Variants in CEP83 observed in about 807,000 individuals in gnomAD.
CEP83 encodes centrosomal protein of 83 kDa.
In CEP83, 70 loss-of-function variants were observed where a neutral mutation model predicts 101.9. The ratio of observed to expected loss-of-function variants is 0.69; its 90% CI spans 0.57 to 0.84. CEP83 has a LOEUF of 0.84. Ranked by LOEUF, CEP83 falls within the 40% of genes least tolerant of loss-of-function variation. The pLI is 0.00. For missense variants in CEP83, 715 were observed against 787.2 expected (o/e 0.91, Z 1.10); for synonymous variants, 264 against 267.9 (o/e 0.99, Z 0.14).
Position 94,438,053 on chromosome 12 carries a change from C to T in CEP83, c.-154-2726G>A, listed in dbSNP as rs553077105. Among the ~76,000 whole-genome samples, 3 of 152,072 alleles carry T rather than the reference C, an allele frequency of 2.0e-5. No individual in the cohort carries two copies. In the East Asian group the frequency reaches 5.8e-4, roughly 29 times the overall value. Reference sequence around the variant, plus strand: ...CCAACACGGCAAAAGCCCATCTCTACTAAAAATACAAAAAAATTACCCAGG... The same window carrying T: ...CCAACACGGCAAAAGCCCATCTCTATTAAAAATACAAAAAAATTACCCAGG... On this transcript the variant is annotated intron_variant, in intron 1 of 16. Coordinates refer to ENST00000397809, the MANE Select transcript of CEP83 (RefSeq NM_016122.3).
Position 94,308,762 on chromosome 12 carries a change from T to C in CEP83, c.*51A>G. 8.0e-7 allele frequency: 1 copy of C among 1,245,670 alleles called. No homozygotes were observed. Among genetic ancestry groups the C allele is most frequent in the Non-Finnish European group, 1.2e-6 (1 of 849,138 alleles). The allele number at this position is 1,245,670 out of a possible 1,614,324, so 77.2% of individuals were successfully genotyped here. On this transcript the variant is annotated 3_prime_UTR_variant, in exon 17 of 17. Coordinates refer to ENST00000397809, the MANE Select transcript of CEP83 (RefSeq NM_016122.3). The stretch of plus-strand genomic sequence containing the variant: ...ATGCCACAGGTTAAAATGTCAAGTT[T>C]TACTGAGTCACCAACTTCACCTCTT...
chr12:94,268,039 G>A, the CEP83 span, among the ~76,000 whole-genome samples: 1 of 152,190 alleles, frequency 6.6e-6, no homozygotes, highest in South Asian at 2.1e-4. Flanking sequence ...GGAAAGGAAA[G>A]TCGGAAATCA....
chr12:94,366,402 G>A (rs765975726), intron 11 of CEP83, among the ~76,000 whole-genome samples: 8 of 152,070 alleles, frequency 5.3e-5, no homozygotes, highest in Non-Finnish European at 1.2e-4. Context: ...AATATTACAT[G>A]TAAGTTAATA....
intron 2 of CEP83, among the ~76,000 whole-genome samples, chr12:94,419,301 A>G (rs1050006193): frequency 2.0e-5 from 3 of 152,132 alleles, no homozygotes; most frequent in African/African-American, 7.2e-5. Context: ...AAACCTAGGT[A>G]AAAAGATGTG....
intron 1 of CEP83, among the ~76,000 whole-genome samples, chr12:94,459,330 T>C (rs2067962838): frequency 6.6e-6 from 1 of 152,170 alleles, no homozygotes; most frequent in Admixed American, 6.5e-5. Flanking sequence ...TGGAGGTACT[T>C]AAACGTCTGG....
intron 8 of CEP83, among the ~76,000 whole-genome samples, chr12:94,374,630 A>C (rs1190154987): frequency 6.6e-6 from 1 of 152,218 alleles, no homozygotes; most frequent in Non-Finnish European, 1.5e-5. Context: ...GTAGGCTGGA[A>C]GGGTTCTTAC....
chr12:94,318,112 T>C (rs558349354), intron 14 of CEP83, among the ~76,000 whole-genome samples: 1 of 152,300 alleles, frequency 6.6e-6, no homozygotes, highest in Admixed American at 6.5e-5. Context: ...CAGTGTTTTA[T>C]AATTATCATT....
At chr12:94,329,984 T>G (rs534769938) in intron 14 of CEP83, among the ~76,000 whole-genome samples, 2 of 152,268 alleles carry the variant, frequency 1.3e-5, no homozygotes, top group African/African-American at 4.8e-5. Context: ...ATGTTGTCAC[T>G]CCAACCATCA....
the CEP83 span, among the ~76,000 whole-genome samples, chr12:94,286,332 C>T: frequency 6.6e-6 from 1 of 152,120 alleles, no homozygotes; most frequent in African/African-American, 2.4e-5. Context: ...GTTCTCTATG[C>T]CTGGACCATC....
At position 94,307,883 on chromosome 12, in the gene CEP83, T is replaced by TTGAC. The variant is rs1969241795; in HGVS notation, c.*926_*929dup. 1 of 152,164 alleles carries TTGAC rather than the reference T, an allele frequency of 6.6e-6. No individual in the cohort carries two copies. Among genetic ancestry groups the TTGAC allele is most frequent in the Non-Finnish European group, 1.5e-5 (1 of 68,024 alleles). 9.4% of individuals were successfully genotyped at this position (152,164 alleles called of 1,614,324 possible). A position where few individuals can be genotyped will look rare whatever the true frequency, so the allele number is the denominator to read the frequency against. ...CCTTCTTCACTATCAACTGGGACTT[T>TTGAC]TGACTATGAACACCTTGGGATAATG... On this transcript the variant is annotated 3_prime_UTR_variant, in exon 17 of 17. Transcript: ENST00000397809.
At chr12:94,375,254 T>C (rs2061476171) in intron 8 of CEP83, among the ~76,000 whole-genome samples, 1 of 151,870 alleles carries the variant, frequency 6.6e-6, no homozygotes. Flanking sequence ...AGAAGGAAGA[T>C]GCTGTTTTAC....
intron 12 of CEP83, 166 bp from the exon 13 acceptor site, chr12:94,333,805 A>G (rs1257193089): frequency 3.4e-6 from 2 of 589,446 alleles, no homozygotes; most frequent in Non-Finnish European, 5.8e-6. Context: ...ACCCAGGAGC[A>G]TTTCTTATTA....
chr12:94,450,498 T>G (rs2067170830), intron 1 of CEP83, among the ~76,000 whole-genome samples: 1 of 152,214 alleles, frequency 6.6e-6, no homozygotes, highest in African/African-American at 2.4e-5. Flanking sequence ...GTGATCCACC[T>G]GCCTTGGATC....
chr12:94,281,748 T>C, the CEP83 span: 65 of 153,664 alleles, frequency 4.2e-4, no homozygotes, highest in African/African-American at 1.5e-3. Context: ...TCTTTAAATG[T>C]TGGCACTGAG....
the CEP83 span, among the ~76,000 whole-genome samples, chr12:94,276,714 G>T: frequency 6.6e-6 from 1 of 152,176 alleles, no homozygotes; most frequent in African/African-American, 2.4e-5. Flanking sequence ...CGGGTGTGAG[G>T]CTTCACATGT....
rs186170830 is a variant in CEP83 at position 94,408,429 on chromosome 12, T to C, written c.324+3268A>G. 2.9e-3 allele frequency among the ~76,000 whole-genome samples: 435 copies of C among 152,278 alleles called. 1 individual carries two copies. The highest frequency in any genetic ancestry group is 4.5e-3 in the Non-Finnish European group (306 of 68,014). On this transcript the variant is annotated intron_variant, in intron 4 of 16. Coordinates refer to ENST00000397809, the MANE Select transcript of CEP83 (RefSeq NM_016122.3). Reference sequence around the variant, plus strand: ...GTATACTAGGTTATACAGTTTTCATTAGCACAAAAAGAGTATATTAATCAT... The same window carrying C: ...GTATACTAGGTTATACAGTTTTCATCAGCACAAAAAGAGTATATTAATCAT...
At chr12:94,394,157 A>G (rs1007497076) in intron 6 of CEP83, among the ~76,000 whole-genome samples, 1 of 152,218 alleles carries the variant, frequency 6.6e-6, no homozygotes, top group Non-Finnish European at 1.5e-5. Flanking sequence ...AAGAGCCTGC[A>G]TTGCCAAGAC....
In CEP83 at chr12:94,411,684, T is replaced by C. The variant is rs1348969492; in HGVS notation, c.324+13A>G. ...CTTTTATACTAACTCAAAACTCAAA[T>C]ATATTTTCTCACCTGCAGTTTCATT... On this transcript the variant is annotated intron_variant, in intron 4 of 16. Coordinates refer to ENST00000397809, the MANE Select transcript of CEP83 (RefSeq NM_016122.3). 6.3e-7 allele frequency: 1 copy of C among 1,583,276 alleles called. No homozygotes were observed. The highest frequency in any genetic ancestry group is 1.2e-5 in the South Asian group (1 of 86,654).
At position 94,434,738 on chromosome 12, in the gene CEP83, A is replaced by C. The variant is rs187087401; in HGVS notation, c.-102+537T>G. Among the ~76,000 whole-genome samples, 29 of 152,350 alleles carry C rather than the reference A, an allele frequency of 1.9e-4. No homozygotes were observed. The East Asian group carries it at 5.2e-3, about 27-fold the overall frequency. ...TCTTGGGGATGGGACGCAAGTCTAA[A>C]CATAAAATTCATTTATGTTCCATAT... is the stretch of plus-strand genomic sequence containing the variant. On this transcript the variant is annotated intron_variant, in intron 2 of 16. Transcript: ENST00000397809.
Sources: gnomAD v4.1 joint callset for allele counts (sites outside exome capture counted in the v4.1 genomes callset) on GRCh38, gnomAD v4.1.1 for gene constraint, MANE v1.5 for transcripts, NCBI Gene and HGNC (gene_info 2026-07-23, HGNC 2026-07-21) for gene names.